PAPPA2: variants seen among roughly 807,000 people sequenced by gnomAD.
PAPPA2 encodes pappalysin-2.
A neutral mutation model predicts 176.4 loss-of-function variants in PAPPA2; 86 were observed. That is an observed-to-expected ratio of 0.49 (90% CI 0.41 to 0.58). PAPPA2 has a LOEUF of 0.58. PAPPA2 is among the 20% of genes least tolerant of loss of function. The pLI is 0.00. For missense variants in PAPPA2, 2,073 were observed against 2,256.9 expected, an observed-to-expected ratio of 0.92 and a Z score of 1.65; for synonymous variants, 809 against 852.2, an observed-to-expected ratio of 0.95 and a Z score of 0.88.
At chr1:176,536,714 A>T (rs144131379) in intron 1 of PAPPA2, among the ~76,000 whole-genome samples, 1 of 152,202 alleles carries the variant, frequency 6.6e-6, no homozygotes, top group African/African-American at 2.4e-5. Context: ...CCAATCTTGC[A>T]TGCACTTTTC....
intron 2 of PAPPA2, among the ~76,000 whole-genome samples, chr1:176,570,433 T>A (rs76557387): frequency 0.014 from 2,150 of 152,326 alleles, 53 homozygotes; most frequent in African/African-American, 0.049. Context: ...TCAATTACTA[T>A]TTTTGAAATT....
intron 17 of PAPPA2, among the ~76,000 whole-genome samples, chr1:176,776,026 T>C (rs1243061252): frequency 6.6e-6 from 1 of 152,162 alleles, no homozygotes; most frequent in African/African-American, 2.4e-5. Flanking sequence ...AGGCACAAAC[T>C]CTCTTTTAAG....
At chr1:176,623,271 T>C (rs1023853183) in intron 3 of PAPPA2, among the ~76,000 whole-genome samples, 1 of 152,238 alleles carries the variant, frequency 6.6e-6, no homozygotes, top group Non-Finnish European at 1.5e-5. Flanking sequence ...TTTCTCATTC[T>C]GCTCTGAACG....
chr1:176,719,572 A>C (rs1212876978), intron 12 of PAPPA2, among the ~76,000 whole-genome samples: 1 of 152,060 alleles, frequency 6.6e-6, no homozygotes, highest in Non-Finnish European at 1.5e-5. Context: ...TCTTGACATC[A>C]CTTCTGGGAC....
chr1:176,559,639 A>G (rs1039816440), intron 2 of PAPPA2, among the ~76,000 whole-genome samples: 4 of 152,126 alleles, frequency 2.6e-5, no homozygotes, highest in African/African-American at 9.7e-5. Context: ...CTCTTACCAT[A>G]CAGCACTCGC....
chr1:176,492,200 A>G (rs1647327509), intron 1 of PAPPA2, among the ~76,000 whole-genome samples: 1 of 152,246 alleles, frequency 6.6e-6, no homozygotes, highest in South Asian at 2.1e-4. Flanking sequence ...TCCCTTGCAC[A>G]GCCATGCACA....
chr1:176,529,144 CTT>C (rs1649654182), intron 1 of PAPPA2, among the ~76,000 whole-genome samples: 1 of 152,006 alleles, frequency 6.6e-6, no homozygotes, highest in Non-Finnish European at 1.5e-5. Context: ...AAAAGGAAGT[CTT>C]TAGATTTTCC....
At chr1:176,660,327 ATTGT>A (rs67926043) in intron 3 of PAPPA2, among the ~76,000 whole-genome samples, 34,833 of 141,736 alleles carry the variant, frequency 0.25, 4,015 homozygotes, top group South Asian at 0.34. Flanking sequence ...TATTTTAGTA[ATTGT>A]TTGTTTGTGT....
At chr1:176,587,856 G>T (rs1044860145) in intron 2 of PAPPA2, among the ~76,000 whole-genome samples, 9 of 152,202 alleles carry the variant, frequency 5.9e-5, no homozygotes, top group Non-Finnish European at 1.0e-4. Context: ...TAATAAACCT[G>T]CACGTTGTGC....
At chr1:176,653,827 A>G (rs983421084) in intron 3 of PAPPA2, among the ~76,000 whole-genome samples, 1 of 151,532 alleles carries the variant, frequency 6.6e-6, no homozygotes, top group South Asian at 2.1e-4. Context: ...TCTACTTCTG[A>G]TGGATAATTT....
rs956631271 is a variant in PAPPA2 at position 176,815,001 on chromosome 1, T to C, written c.5202+14869T>C. Among the ~76,000 whole-genome samples the C allele has an allele frequency of 3.9e-5, 6 of 152,196 alleles. No individual in the cohort carries two copies. In the East Asian group the frequency reaches 1.2e-3, roughly 29 times the overall value. ...GAGAGTTTTTAAAATGAAGAGATAC[T>C]GGATTTTATTGAAGGCCTTTTCTAC... On this transcript the variant is annotated intron_variant, in intron 21 of 22. Coordinates refer to ENST00000367662, the MANE Select transcript of PAPPA2 (RefSeq NM_020318.3).
chr1:176,628,020 A>G (rs1201970756), intron 3 of PAPPA2, among the ~76,000 whole-genome samples: 1 of 152,098 alleles, frequency 6.6e-6, no homozygotes, highest in Non-Finnish European at 1.5e-5. Context: ...GGGCCAGAGA[A>G]ATGTAGTAGG....
At chr1:176,514,885 G>A (rs537236602) in intron 1 of PAPPA2, among the ~76,000 whole-genome samples, 1 of 152,256 alleles carries the variant, frequency 6.6e-6, no homozygotes, top group Admixed American at 6.5e-5. Context: ...TGCTGTTCAG[G>A]CATTTTCCTC....
intron 3 of PAPPA2, among the ~76,000 whole-genome samples, chr1:176,650,204 A>G (rs984787115): frequency 1.3e-5 from 2 of 151,440 alleles, no homozygotes. Flanking sequence ...TCTGAAATAA[A>G]TGTAGCTACT....
At chr1:176,576,417 G>T (rs954239662) in intron 2 of PAPPA2, among the ~76,000 whole-genome samples, 3 of 152,016 alleles carry the variant, frequency 2.0e-5, no homozygotes, top group East Asian at 3.9e-4. Flanking sequence ...TACTGTGCAG[G>T]TGATATGTAA....
chr1:176,752,834 C>T (rs1663245267), intron 14 of PAPPA2, among the ~76,000 whole-genome samples: 1 of 152,202 alleles, frequency 6.6e-6, no homozygotes, highest in Non-Finnish European at 1.5e-5. Flanking sequence ...AGATCCCCTC[C>T]AATGGGACTG....
intron 6 of PAPPA2, among the ~76,000 whole-genome samples, chr1:176,693,787 G>C (rs1428089637): frequency 6.6e-6 from 1 of 152,194 alleles, no homozygotes; most frequent in Admixed American, 6.5e-5. Flanking sequence ...TGTGATGTGT[G>C]TGAGAATCAT....
intron 4 of PAPPA2, among the ~76,000 whole-genome samples, chr1:176,687,603 TTTC>T (rs1173517096): frequency 2.6e-5 from 4 of 152,220 alleles, no homozygotes; most frequent in Non-Finnish European, 5.9e-5. Flanking sequence ...AAGAACCATC[TTTC>T]TTTTCATCTA....
chr1:176,533,148 ATGG>A (rs1188684758), intron 1 of PAPPA2, among the ~76,000 whole-genome samples: 1 of 152,198 alleles, frequency 6.6e-6, no homozygotes, highest in Admixed American at 6.5e-5. Context: ...AATTCTGAAC[ATGG>A]TGTAGGTAAG....
Sources: gnomAD v4.1 joint callset for allele counts (sites outside exome capture counted in the v4.1 genomes callset) on GRCh38, gnomAD v4.1.1 for gene constraint, MANE v1.5 for transcripts, NCBI Gene and HGNC (gene_info 2026-07-23, HGNC 2026-07-21) for gene names.